PRRT4: variants seen among roughly 807,000 people sequenced by gnomAD.
PRRT4 encodes proline-rich transmembrane protein 4.
PRRT4 carries 59 observed loss-of-function variants against 55.6 expected under a neutral mutation model. That is an observed-to-expected ratio of 1.06 (90% CI 0.86 to 1.32). PRRT4 has a LOEUF of 1.32. Ranked by LOEUF, PRRT4 falls within the 40% of genes most tolerant of loss-of-function variation. The pLI, the probability that PRRT4 is intolerant of heterozygous loss-of-function variation, is 0.00. For missense variants in PRRT4, 1,217 were observed against 1,222.0 expected (o/e 1.00, Z 0.06); for synonymous variants, 606 against 601.8 (o/e 1.01, Z -0.10).
intron 3 of PRRT4, 59 bp downstream of exon 4, chr7:128,359,090 G>A (rs969307227): frequency 1.3e-6 from 2 of 1,502,602 alleles, no homozygotes; most frequent in African/African-American, 2.8e-5. Flanking sequence ...TAGGCTCCTA[G>A]CACAGCGCTT....
rs1797195476 is a variant in PRRT4 at position 128,359,580 on chromosome 7, GC to G, written c.411del (p.Ser139AlafsTer15). The G allele has an allele frequency of 6.6e-7, 1 of 1,504,228 alleles. No individual in the cohort carries two copies. 93.2% of individuals were successfully genotyped at this position (1,504,228 alleles called of 1,614,324 possible). A position where few individuals can be genotyped will look rare whatever the true frequency, so the allele number is the denominator to read the frequency against. Reference sequence around the variant, plus strand: ...TAGGGGGCAGTGGGCCCATCGCTGGGCCCAGAGCGCCGGGATGTGGACTCCG... The same window carrying G: ...TAGGGGGCAGTGGGCCCATCGCTGGGCCAGAGCGCCGGGATGTGGACTCCG... On this transcript the variant is annotated frameshift_variant, in exon 2 of 5. Coordinates refer to ENST00000535159, the Ensembl canonical transcript of PRRT4. LOFTEE classifies it high-confidence loss of function.
chr7:128,350,887 A>G, exon 5 of PRRT4: 1 of 1,551,234 alleles, frequency 6.4e-7, no homozygotes. Context: ...GCCCACGCTC[A>G]GCTCGTCGAT....
exon 5 of PRRT4, chr7:128,351,537 C>T (rs765282539): frequency 6.7e-7 from 1 of 1,483,102 alleles, no homozygotes; most frequent in South Asian, 1.3e-5. Context: ...GCTGCAGCAG[C>T]TCCGCGTCCC....
At chr7:128,353,667 C>T (rs913399468) in intron 4 of PRRT4, among the ~76,000 whole-genome samples, 3 of 152,212 alleles carry the variant, frequency 2.0e-5, no homozygotes, top group African/African-American at 7.2e-5. Flanking sequence ...CTTCTCCCCA[C>T]ACTGTACGGA....
At chr7:128,359,785 G>A (rs1000301275) in exon 2 of PRRT4, 2 of 1,541,154 alleles carry the variant, frequency 1.3e-6, no homozygotes, top group African/African-American at 1.4e-5. Context: ...CTGTGACTGG[G>A]CTCCCCCAGA....
chr7:128,351,997 C>T, exon 5 of PRRT4: 1 of 1,313,858 alleles, frequency 7.6e-7, no homozygotes, highest in South Asian at 2.0e-5. Flanking sequence ...CCGCCGCCCG[C>T]CCCAGCAGGA....
exon 5 of PRRT4, chr7:128,350,883 G>C (rs1205613533): frequency 6.4e-7 from 1 of 1,551,170 alleles, no homozygotes; most frequent in South Asian, 1.2e-5. Context: ...CGCTGCCCAC[G>C]CTCAGCTCGT....
exon 5 of PRRT4, chr7:128,352,017 C>T: frequency 1.5e-6 from 2 of 1,313,428 alleles, no homozygotes; most frequent in Admixed American, 3.2e-5. Context: ...AGAGCGCCAG[C>T]AGCAGCCCGG....
intron 4 of PRRT4, among the ~76,000 whole-genome samples, chr7:128,357,040 A>C (rs182144962): frequency 6.6e-6 from 1 of 152,336 alleles, no homozygotes; most frequent in East Asian, 1.9e-4. Flanking sequence ...CACACTGATT[A>C]ACTTGATAAC....
Position 128,350,895 on chromosome 7 carries a change from G to A in PRRT4, c.2661C>T (p.Ile887=), listed in dbSNP as rs550035888. ...TGTCGCTGCCCACGCTCAGCTCGTCGATCTGTCGGCAGGCGTCCAGGAACT... is the reference window on the plus strand; with the variant it reads ...TGTCGCTGCCCACGCTCAGCTCGTCAATCTGTCGGCAGGCGTCCAGGAACT... The change falls in exon 5 of 5, where the codon ATC becomes ATT. Residue 887 remains isoleucine (I), a synonymous_variant. Transcript: ENST00000535159. The A allele has an allele frequency of 4.5e-6, 7 of 1,550,810 alleles. No individual in the cohort carries two copies. The East Asian group carries it at 1.5e-4, about 32-fold the overall frequency.
chr7:128,360,758 C>A, intron 1 of PRRT4, among the ~76,000 whole-genome samples: 1 of 152,010 alleles, frequency 6.6e-6, no homozygotes, highest in Non-Finnish European at 1.5e-5. Flanking sequence ...TCTCCGGCTT[C>A]CTGGAGGAGA....
At chr7:128,359,071 G>A in intron 3 of PRRT4, 78 bp downstream of exon 4, 4 of 1,428,918 alleles carry the variant, frequency 2.8e-6, no homozygotes, top group Admixed American at 2.0e-5. Flanking sequence ...AAAAAAGAAA[G>A]GTACTTGTTA....
chr7:128,359,448 T>C, exon 2 of PRRT4: 1 of 1,462,472 alleles, frequency 6.8e-7, no homozygotes, highest in Non-Finnish European at 9.0e-7. Context: ...CTCAGTGCCA[T>C]GTCAAACTTC....
intron 1 of PRRT4, among the ~76,000 whole-genome samples, chr7:128,360,720 A>C (rs932060563): frequency 6.6e-6 from 1 of 152,042 alleles, no homozygotes; most frequent in African/African-American, 2.4e-5. Flanking sequence ...GGACCCTTGA[A>C]GTATTCGGGG....
intron 4 of PRRT4, among the ~76,000 whole-genome samples, chr7:128,354,311 C>T (rs1203641556): frequency 2.0e-5 from 3 of 152,332 alleles, no homozygotes; most frequent in East Asian, 3.9e-4. Flanking sequence ...TGGCTGTAAT[C>T]CCAGCACTTT....
chr7:128,361,103 T>TCTCTCACA (rs1450661437), intron 1 of PRRT4, among the ~76,000 whole-genome samples: 1 of 77,510 alleles, frequency 1.3e-5, no homozygotes, highest in African/African-American at 5.7e-5. Context: ...TCTCTCTCTC[T>TCTCTCACA]CACACACACA....
chr7:128,360,987 GCACA>G (rs140168327), intron 1 of PRRT4, among the ~76,000 whole-genome samples: 98 of 145,024 alleles, frequency 6.8e-4, no homozygotes, highest in African/African-American at 2.4e-3. Context: ...ACGCGCGCGC[GCACA>G]CACACACACA....
At chr7:128,351,855 G>T in exon 5 of PRRT4, 1 of 1,347,186 alleles carries the variant, frequency 7.4e-7, no homozygotes, top group Non-Finnish European at 9.5e-7. Context: ...TCAGCAGCCC[G>T]AAGGTGCCCG....
At position 128,351,766 on chromosome 7, in the gene PRRT4, C is replaced by T. The variant is rs1247023660; in HGVS notation, c.1790G>A (p.Trp597Ter). 3 of 1,434,788 alleles carry T rather than the reference C, an allele frequency of 2.1e-6. No homozygotes were observed. Among genetic ancestry groups the T allele is most frequent in the Non-Finnish European group, 2.7e-6 (3 of 1,104,386 alleles). 88.9% of individuals were successfully genotyped at this position (1,434,788 alleles called of 1,614,324 possible). A position where few individuals can be genotyped will look rare whatever the true frequency, so the allele number is the denominator to read the frequency against. ...GCGCAGGCCTAGCTGGAAGGCCCAC[C>T]AGGGCCAGGGCCCTTCCAGGCCGGA... is the stretch of plus-strand genomic sequence containing the variant. Residue 597 changes from tryptophan (W) to a stop codon, truncating the protein, a stop_gained, in exon 5 of 5, where the codon TGG (tryptophan) becomes TAG (stop). Coordinates refer to ENST00000535159, the Ensembl canonical transcript of PRRT4. LOFTEE classifies it high-confidence loss of function.
Sources: gnomAD v4.1 joint callset for allele counts (sites outside exome capture counted in the v4.1 genomes callset) on GRCh38, gnomAD v4.1.1 for gene constraint, MANE v1.5 for transcripts, NCBI Gene and HGNC (gene_info 2026-07-23, HGNC 2026-07-21) for gene names.